Variants in PHACTR1 observed in about 807,000 individuals in gnomAD.
PHACTR1 encodes RPEL repeat containing 1.
A neutral mutation model predicts 69.2 loss-of-function variants in PHACTR1; 16 were observed. The ratio of observed to expected loss-of-function variants is 0.23; its 90% CI spans 0.16 to 0.35. PHACTR1 has a LOEUF of 0.35. Ranked by LOEUF, PHACTR1 falls within the 10% of genes least tolerant of loss-of-function variation. The probability of loss-of-function intolerance (pLI) is 1.00; values close to 1 mark genes in which losing one functional copy is unlikely to be tolerated. For synonymous variants in PHACTR1, 312 were observed against 284.5 expected (o/e 1.10, Z -0.97); for missense variants, 510 against 734.7 (o/e 0.69, Z 3.54).
intron 4 of PHACTR1, among the ~76,000 whole-genome samples, chr6:12,827,359 A>G (rs942342715): frequency 6.6e-6 from 1 of 152,242 alleles, no homozygotes; most frequent in Non-Finnish European, 1.5e-5. Flanking sequence ...GCACTGATTC[A>G]TAACATTACA....
intron 4 of PHACTR1, among the ~76,000 whole-genome samples, chr6:12,921,570 G>A (rs1582494651): frequency 8.9e-6 from 1 of 112,990 alleles, no homozygotes; most frequent in Non-Finnish European, 1.8e-5. Context: ...GAAGGAAGGA[G>A]GGAAGGAAGG....
chr6:12,877,664 T>C (rs1782675025), intron 4 of PHACTR1, among the ~76,000 whole-genome samples: 1 of 152,142 alleles, frequency 6.6e-6, no homozygotes, highest in African/African-American at 2.4e-5. Flanking sequence ...CTGCGTTTGC[T>C]CCCACCTCTT....
intron 4 of PHACTR1, among the ~76,000 whole-genome samples, chr6:12,809,923 T>C (rs1282113455): frequency 6.6e-6 from 1 of 152,240 alleles, no homozygotes; most frequent in Non-Finnish European, 1.5e-5. Context: ...TCTTATCATC[T>C]TGATATTAAA....
intron 5 of PHACTR1, among the ~76,000 whole-genome samples, chr6:13,092,421 C>T (rs185428644): frequency 6.6e-6 from 1 of 152,154 alleles, no homozygotes; most frequent in Non-Finnish European, 1.5e-5. Flanking sequence ...AGATGTCATT[C>T]CTGCTGTTAA....
At chr6:12,987,473 T>C (rs1250609089) in intron 4 of PHACTR1, among the ~76,000 whole-genome samples, 1 of 152,186 alleles carries the variant, frequency 6.6e-6, no homozygotes, top group East Asian at 1.9e-4. Flanking sequence ...AAAAGCAAAG[T>C]GCTGAAGACA....
chr6:12,818,250 T>C (rs1382612205), intron 4 of PHACTR1, among the ~76,000 whole-genome samples: 1 of 152,198 alleles, frequency 6.6e-6, no homozygotes, highest in Non-Finnish European at 1.5e-5. Context: ...GCTGGGTGGT[T>C]CTTCCAGTCT....
intron 4 of PHACTR1, among the ~76,000 whole-genome samples, chr6:12,809,029 C>T (rs1264995837): frequency 6.6e-6 from 1 of 151,924 alleles, no homozygotes; most frequent in Non-Finnish European, 1.5e-5. Flanking sequence ...AGTCATGTGC[C>T]ACCACTCCCA....
At chr6:13,118,171 C>T (rs1445914055) in intron 5 of PHACTR1, among the ~76,000 whole-genome samples, 4 of 152,220 alleles carry the variant, frequency 2.6e-5, no homozygotes, top group South Asian at 2.1e-4. Flanking sequence ...GATGGGTCTT[C>T]TGCTTCCTCC....
chr6:12,737,005 A>G (rs1764345043), intron 3 of PHACTR1, among the ~76,000 whole-genome samples: 1 of 149,806 alleles, frequency 6.7e-6, no homozygotes, highest in South Asian at 2.2e-4. Flanking sequence ...GTATATGTAT[A>G]TACATATACA....
intron 4 of PHACTR1, among the ~76,000 whole-genome samples, chr6:12,979,590 G>A (rs1309180987): frequency 6.6e-6 from 1 of 152,094 alleles, no homozygotes; most frequent in Non-Finnish European, 1.5e-5. Flanking sequence ...CTTGCATCAT[G>A]TTGTTTTGGT....
chr6:13,235,008 T>C (rs1462096380), intron 10 of PHACTR1, among the ~76,000 whole-genome samples: 2 of 152,216 alleles, frequency 1.3e-5, no homozygotes, highest in Non-Finnish European at 2.9e-5. Flanking sequence ...TGAATTGTAA[T>C]GCGCATGGTG....
In PHACTR1 at chr6:13,109,833, CGTGTGTGT is replaced by C. The variant is rs58370068; in HGVS notation, c.416-50348_416-50341del. On this transcript the variant is annotated intron_variant, in intron 5 of 14. Transcript: ENST00000332995. ...CTTAGCCTCTGTTCAATTTTTTCAG[CGTGTGTGT>C]GTGTGTGTGTGTGTGTGTGTGTCTG... Among the ~76,000 whole-genome samples, 28 of 146,184 alleles carry C rather than the reference CGTGTGTGT, an allele frequency of 1.9e-4. No individual in the cohort carries two copies. In the East Asian group the frequency reaches 4.6e-3, roughly 24 times the overall value.
At chr6:12,756,933 G>A (rs1012430537) in intron 4 of PHACTR1, among the ~76,000 whole-genome samples, 13 of 152,034 alleles carry the variant, frequency 8.6e-5, no homozygotes, top group Admixed American at 2.6e-4. Flanking sequence ...TTTTTAGACC[G>A]TTTTTTAGGC....
chr6:12,747,489 C>A (rs1354157887), intron 3 of PHACTR1, among the ~76,000 whole-genome samples: 1 of 151,894 alleles, frequency 6.6e-6, no homozygotes, highest in Non-Finnish European at 1.5e-5. Flanking sequence ...CATACTGAGA[C>A]CGCATCTCTA....
At chr6:13,039,634 C>T (rs1231269498) in intron 4 of PHACTR1, among the ~76,000 whole-genome samples, 1 of 152,222 alleles carries the variant, frequency 6.6e-6, no homozygotes, top group East Asian at 1.9e-4. Context: ...CTGGTCCTCA[C>T]AATTCTGACT....
At chr6:13,148,305 T>C (rs1823754486) in intron 5 of PHACTR1, among the ~76,000 whole-genome samples, 1 of 152,162 alleles carries the variant, frequency 6.6e-6, no homozygotes, top group South Asian at 2.1e-4. Flanking sequence ...CAATTGCTTT[T>C]TCCTTCTGAA....
intron 5 of PHACTR1, among the ~76,000 whole-genome samples, chr6:13,125,659 C>T (rs1027306006): frequency 1.2e-4 from 19 of 152,108 alleles, no homozygotes; most frequent in African/African-American, 4.6e-4. Flanking sequence ...CTGGGCATGG[C>T]AGCTCATGCC....
intron 5 of PHACTR1, among the ~76,000 whole-genome samples, chr6:13,076,711 C>T (rs1810533234): frequency 6.6e-6 from 1 of 151,898 alleles, no homozygotes; most frequent in Non-Finnish European, 1.5e-5. Context: ...GTGAGGTTCC[C>T]TGGGGCTTTT....
At chr6:13,090,405 A>C (rs1188071287) in intron 5 of PHACTR1, among the ~76,000 whole-genome samples, 1 of 151,378 alleles carries the variant, frequency 6.6e-6, no homozygotes, top group Non-Finnish European at 1.5e-5. Context: ...GGCTTACTGC[A>C]ACCTCTGCCT....
Sources: allele counts gnomAD v4.1 joint callset (sites outside exome capture counted in the v4.1 genomes callset), GRCh38; gene constraint gnomAD v4.1.1; transcripts MANE v1.5; gene names NCBI Gene and HGNC (gene_info 2026-07-23, HGNC 2026-07-21).